The following CACNA2D3 variants were observed in gnomAD, a reference collection of about 807,000 sequenced individuals.
The protein encoded by CACNA2D3 is calcium voltage-gated channel auxiliary subunit alpha2delta 3.
A neutral mutation model predicts 160.6 loss-of-function variants in CACNA2D3; 60 were observed. That is an observed-to-expected ratio of 0.37 (90% CI 0.30 to 0.46). The LOEUF is 0.46. Ranked by LOEUF, CACNA2D3 falls within the 20% of genes least tolerant of loss-of-function variation. The probability of loss-of-function intolerance (pLI) is 1.00; values close to 1 mark genes in which losing one functional copy is unlikely to be tolerated. For missense variants in CACNA2D3, 1,205 were observed against 1,365.0 expected (o/e 0.88, Z 1.85); for synonymous variants, 558 against 492.9 (o/e 1.13, Z -1.75).
intron 2 of CACNA2D3, among the ~76,000 whole-genome samples, chr3:54,194,431 C>T (rs1402660007): frequency 6.6e-6 from 1 of 152,060 alleles, no homozygotes; most frequent in Non-Finnish European, 1.5e-5. Flanking sequence ...TTCATAATGG[C>T]CAAAGTCAGA....
At position 54,735,998 on chromosome 3, in the gene CACNA2D3, TATATATATGTATATATATACACATAC is replaced by T. The variant is rs1559563406; in HGVS notation, c.1168-16592_1168-16567del. Among the ~76,000 whole-genome samples the T allele has an allele frequency of 3.9e-4, 43 of 111,204 alleles. 1 individual carries two copies. Among genetic ancestry groups the T allele is most frequent in the Admixed American group, 2.1e-3 (23 of 11,000 alleles). The allele number at this position is 111,204 out of a possible 152,430, so 73.0% of individuals were successfully genotyped here. The stretch of plus-strand genomic sequence containing the variant: ...CCATGCATGTATATATATATACATA[TATATATATGTATATATATACACATAC>T]ATATATATATGTATATATATACACA... On this transcript the variant is annotated intron_variant, in intron 11 of 37. Coordinates refer to ENST00000474759, the MANE Select transcript of CACNA2D3 (RefSeq NM_018398.3).
chr3:54,445,134 T>G (rs536818288), intron 4 of CACNA2D3, among the ~76,000 whole-genome samples: 1 of 152,314 alleles, frequency 6.6e-6, no homozygotes, highest in East Asian at 1.9e-4. Flanking sequence ...ATTATGAGCC[T>G]CGGCTCAGGG....
intron 11 of CACNA2D3, among the ~76,000 whole-genome samples, chr3:54,670,154 T>C (rs1700132224): frequency 6.6e-6 from 1 of 152,216 alleles, no homozygotes; most frequent in South Asian, 2.1e-4. Context: ...CTGTGCAGCA[T>C]GCCCATACGT....
intron 4 of CACNA2D3, among the ~76,000 whole-genome samples, chr3:54,443,208 G>T (rs937793279): frequency 1.3e-5 from 2 of 152,114 alleles, no homozygotes; most frequent in Non-Finnish European, 2.9e-5. Flanking sequence ...GGGGATATGG[G>T]GCAGCTTTAT....
intron 35 of CACNA2D3, among the ~76,000 whole-genome samples, chr3:55,019,005 A>G (rs1703389355): frequency 6.9e-6 from 1 of 145,412 alleles, no homozygotes; most frequent in Non-Finnish European, 1.5e-5. Context: ...CTGGTCTCAA[A>G]CTCCTGGGCT....
At chr3:55,054,702 C>T (rs75743720) in intron 35 of CACNA2D3, among the ~76,000 whole-genome samples, 2,773 of 151,874 alleles carry the variant, frequency 0.018, 89 homozygotes, top group African/African-American at 0.064. Context: ...ACTATTTTGT[C>T]ACATTTTACT....
At position 54,822,790 on chromosome 3, in the gene CACNA2D3, C is replaced by CTTTCTTTTCTTTCTTTCTTTCTTTCTTTT. The variant is rs1491160047; in HGVS notation, c.1398+5920_1398+5921insTTTCTTTTCTTTCTTTCTTTCTTTCTTTT. ...TCTTTCTTTCTTTCTTTCTTTCTTT[C>CTTTCTTTTCTTTCTTTCTTTCTTTCTTTT]CTTTCTTTCTTTCTTTCTTTCTTTC... On this transcript the variant is annotated intron_variant, in intron 14 of 37. Transcript: ENST00000474759. 2.4e-4 allele frequency among the ~76,000 whole-genome samples: 17 copies of CTTTCTTTTCTTTCTTTCTTTCTTTCTTTT among 71,960 alleles called. 2 individuals are homozygous for CTTTCTTTTCTTTCTTTCTTTCTTTCTTTT. The highest frequency in any genetic ancestry group is 9.3e-4 in the African/African-American group (16 of 17,276). The allele number at this position is 71,960 out of a possible 152,430, so 47.2% of individuals were successfully genotyped here. A position where few individuals can be genotyped will look rare whatever the true frequency, so the allele number is the denominator to read the frequency against.
intron 4 of CACNA2D3, among the ~76,000 whole-genome samples, chr3:54,470,712 A>G (rs1700714770): frequency 6.6e-6 from 1 of 152,158 alleles, no homozygotes; most frequent in Non-Finnish European, 1.5e-5. Flanking sequence ...AAAGGGATGG[A>G]GGAATATTTA....
chr3:54,856,798 T>G (rs1002276053), intron 17 of CACNA2D3, among the ~76,000 whole-genome samples: 1 of 152,196 alleles, frequency 6.6e-6, no homozygotes, highest in Non-Finnish European at 1.5e-5. Flanking sequence ...TTTTTGTTTT[T>G]GAGACAGAAT....
intron 4 of CACNA2D3, among the ~76,000 whole-genome samples, chr3:54,465,664 A>C (rs1041011329): frequency 6.6e-6 from 1 of 152,248 alleles, no homozygotes; most frequent in Non-Finnish European, 1.5e-5. Context: ...CCATGCGTAC[A>C]GGTTGGTGCA....
intron 4 of CACNA2D3, among the ~76,000 whole-genome samples, chr3:54,492,152 G>C (rs1365934482): frequency 6.6e-6 from 1 of 152,144 alleles, no homozygotes; most frequent in Non-Finnish European, 1.5e-5. Context: ...CCTTTCCCTG[G>C]TGGCACCTCT....
At chr3:54,133,405 C>G (rs186860395) in intron 2 of CACNA2D3, among the ~76,000 whole-genome samples, 167 of 152,288 alleles carry the variant, frequency 1.1e-3, no homozygotes, top group African/African-American at 3.8e-3. Flanking sequence ...AGTTCAGGTG[C>G]TTGAGCTGTT....
At chr3:54,999,591 T>C (rs1334046413) in intron 31 of CACNA2D3, among the ~76,000 whole-genome samples, 1 of 152,238 alleles carries the variant, frequency 6.6e-6, no homozygotes, top group Non-Finnish European at 1.5e-5. Context: ...AGATTGTTTT[T>C]AGGCCAGTTG....
intron 4 of CACNA2D3, among the ~76,000 whole-genome samples, chr3:54,481,895 C>T (rs1052343047): frequency 1.3e-5 from 2 of 152,192 alleles, no homozygotes; most frequent in African/African-American, 4.8e-5. Flanking sequence ...ACAGAAATTT[C>T]ATTAAGTGAT....
intron 9 of CACNA2D3, among the ~76,000 whole-genome samples, chr3:54,597,377 A>G (rs181189740): frequency 2.6e-4 from 40 of 151,850 alleles, no homozygotes; most frequent in African/African-American, 8.7e-4. Context: ...TATAACAGGC[A>G]TTTCTTTCTT....
At chr3:54,766,805 T>C (rs1216928187) in intron 13 of CACNA2D3, among the ~76,000 whole-genome samples, 2 of 151,886 alleles carry the variant, frequency 1.3e-5, no homozygotes. Context: ...ATTTACAGAA[T>C]ATACTTCTAA....
rs527632302 is a variant in CACNA2D3, at chr3:54,719,163, C to CTT, written c.1168-33420_1168-33419dup. Among the ~76,000 whole-genome samples, 672 of 132,678 alleles carry CTT rather than the reference C, an allele frequency of 5.1e-3. 5 individuals are homozygous for CTT. The highest frequency in any genetic ancestry group is 0.013 in the South Asian group (52 of 4,086). 87.0% of individuals were successfully genotyped at this position (132,678 alleles called of 152,430 possible). A position where few individuals can be genotyped will look rare whatever the true frequency, so the allele number is the denominator to read the frequency against. ...TTTCTTACCAAGTTGCACTGGATTT[C>CTT]TTTTTTTTTTTTTTTTTATCTTGTT... On this transcript the variant is annotated intron_variant, in intron 11 of 37. Coordinates refer to ENST00000474759, the MANE Select transcript of CACNA2D3 (RefSeq NM_018398.3).
At chr3:54,883,799 A>ATCCCTCTCTCTCTCTCTCTCTCTCTCTC (rs1699857403) in intron 21 of CACNA2D3, among the ~76,000 whole-genome samples, 1 of 107,422 alleles carries the variant, frequency 9.3e-6, no homozygotes, top group African/African-American at 3.5e-5. Flanking sequence ...TTACAATGGA[A>ATCCCTCTCTCTCTCTCTCTCTCTCTCTC]TCTCTCTCTC....
At chr3:54,386,182 T>G (rs954814880) in intron 3 of CACNA2D3, among the ~76,000 whole-genome samples, 2 of 152,222 alleles carry the variant, frequency 1.3e-5, no homozygotes, top group Non-Finnish European at 2.9e-5. Context: ...ATTGTCACAG[T>G]GGCATTGATG....
Sources: gnomAD v4.1 joint callset for allele counts (sites outside exome capture counted in the v4.1 genomes callset) on GRCh38, gnomAD v4.1.1 for gene constraint, MANE v1.5 for transcripts, NCBI Gene and HGNC (gene_info 2026-07-23, HGNC 2026-07-21) for gene names.